MAP7: variants seen among roughly 807,000 people sequenced by gnomAD.
MAP7 encodes the protein microtubule associated protein 7.
MAP7 carries 52 observed loss-of-function variants against 94.8 expected under a neutral mutation model. That is an observed-to-expected ratio of 0.55 (90% confidence interval 0.44 to 0.69). The LOEUF (loss-of-function observed/expected upper bound fraction) is 0.69. Ranked by LOEUF, MAP7 falls within the 30% of genes least tolerant of loss-of-function variation. MAP7 has a pLI of 0.00. For synonymous variants in MAP7, 350 were observed against 357.0 expected (o/e 0.98, Z 0.22); for missense variants, 940 against 964.6 (o/e 0.97, Z 0.34).
At chr6:136,361,216 C>T (rs1456457231) in intron 11 of MAP7, 37 bp from the exon 12 acceptor site, 3 of 1,597,912 alleles carry the variant, frequency 1.9e-6, no homozygotes, top group Non-Finnish European at 2.5e-6. Context: ...ACCAAAGACA[C>T]CTGAGGAGAA....
rs1387709105 is a variant in MAP7 at position 136,362,617 on chromosome 6, C to A, written c.1359G>T (p.Met453Ile). 6.2e-7 allele frequency: 1 copy of A among 1,613,578 alleles called. No homozygotes were observed. Among genetic ancestry groups the A allele is most frequent in the East Asian group, 2.2e-5 (1 of 44,874 alleles). ...TCACAGTGGATGACGGGGCTGAGAC[C>A]ATGGCTGGGGTGGGGACCGGGGCTG... ...PAPAPVPTPA[M>I]VSAPSSTVNA... The change falls in exon 11 of 18, where the codon ATG (methionine) becomes ATT (isoleucine). Residue 453 changes from methionine (M) to isoleucine (I), a missense_variant. Met to Ile is a conservative substitution (Grantham distance 10). Transcript: ENST00000354570.
intron 1 of MAP7, among the ~76,000 whole-genome samples, chr6:136,529,295 T>G (rs1828282947): frequency 6.6e-6 from 1 of 152,022 alleles, no homozygotes; most frequent in South Asian, 2.1e-4. Context: ...TTTTTTTGCA[T>G]TTTTAGTAGA....
At chr6:136,536,748 T>C (rs1828919074) in intron 1 of MAP7, among the ~76,000 whole-genome samples, 1 of 152,206 alleles carries the variant, frequency 6.6e-6, no homozygotes. Flanking sequence ...CCGTGTTTAC[T>C]ACAAAAAGAG....
chr6:136,491,285 T>C (rs1408897695), intron 1 of MAP7, among the ~76,000 whole-genome samples: 1 of 152,226 alleles, frequency 6.6e-6, no homozygotes, highest in Non-Finnish European at 1.5e-5. Context: ...AATGGACAAG[T>C]AGGGCAATTT....
At chr6:136,472,396 C>A (rs1809334779) in intron 1 of MAP7, among the ~76,000 whole-genome samples, 1 of 152,180 alleles carries the variant, frequency 6.6e-6, no homozygotes, top group Non-Finnish European at 1.5e-5. Context: ...CCAATGTAAT[C>A]TTTCAGTTAT....
chr6:136,355,313 A>G (rs1325500363), intron 16 of MAP7, among the ~76,000 whole-genome samples: 1 of 151,886 alleles, frequency 6.6e-6, no homozygotes, highest in Non-Finnish European at 1.5e-5. Flanking sequence ...AATAAGTTTT[A>G]GGGAATGAAT....
chr6:136,366,058 T>C (rs772955124), intron 9 of MAP7, 40 bp from the exon 10 acceptor site: 2 of 1,582,842 alleles, frequency 1.3e-6, no homozygotes, highest in East Asian at 4.5e-5. Context: ...AGGGGACACA[T>C]GAGAACAGGC....
chr6:136,394,968 A>ATATATATATATATATC (rs1477760854), intron 3 of MAP7, among the ~76,000 whole-genome samples: 5 of 130,592 alleles, frequency 3.8e-5, no homozygotes, highest in African/African-American at 1.4e-4. Context: ...ATATATATAT[A>ATATATATATATATATC]TATCACATTT....
chr6:136,527,499 T>C (rs982581690), intron 1 of MAP7, among the ~76,000 whole-genome samples: 1 of 152,230 alleles, frequency 6.6e-6, no homozygotes, highest in Non-Finnish European at 1.5e-5. Context: ...ATATCCTCTC[T>C]AAATCTCTTG....
At chr6:136,430,385 A>G (rs1794555680) in intron 1 of MAP7, among the ~76,000 whole-genome samples, 1 of 152,218 alleles carries the variant, frequency 6.6e-6, no homozygotes, top group Non-Finnish European at 1.5e-5. Context: ...TTATCTAAGT[A>G]GAAAATGTAC....
chr6:136,440,452 C>G (rs1181436716), intron 1 of MAP7, among the ~76,000 whole-genome samples: 4 of 152,016 alleles, frequency 2.6e-5, no homozygotes, highest in Non-Finnish European at 5.9e-5. Context: ...GCATCATGAA[C>G]AAAAGCAGAA....
intron 1 of MAP7, among the ~76,000 whole-genome samples, chr6:136,516,660 T>A (rs1164387738): frequency 6.6e-6 from 1 of 152,218 alleles, no homozygotes; most frequent in Non-Finnish European, 1.5e-5. Context: ...GCTTTCTCCA[T>A]CGTAAGTGTT....
chr6:136,414,284 A>AAAAAAAAAAAAAAAAGG (rs1788615606), intron 2 of MAP7, among the ~76,000 whole-genome samples: 1 of 137,218 alleles, frequency 7.3e-6, no homozygotes, highest in African/African-American at 2.7e-5. Flanking sequence ...AAAAAAAAAA[A>AAAAAAAAAAAAAAAAGG]TTGGTTAAAT....
chr6:136,455,109 C>G (rs1267354599), intron 1 of MAP7, among the ~76,000 whole-genome samples: 1 of 151,532 alleles, frequency 6.6e-6, no homozygotes, highest in Non-Finnish European at 1.5e-5. Context: ...CAGACAGTCC[C>G]TCATCTTTCA....
At chr6:136,451,024 T>C (rs1236271607) in intron 1 of MAP7, among the ~76,000 whole-genome samples, 2 of 152,154 alleles carry the variant, frequency 1.3e-5, no homozygotes, top group African/African-American at 2.4e-5. Flanking sequence ...TACCCTTTTG[T>C]AAGAGAAATT....
chr6:136,389,542 A>T, intron 3 of MAP7, 25 bp from the exon 4 acceptor site: 1 of 1,604,314 alleles, frequency 6.2e-7, no homozygotes, highest in Non-Finnish European at 8.5e-7. Flanking sequence ...AAAAAAAAAA[A>T]AAAAGAGGGA....
rs371568322 is a variant in MAP7 at position 136,499,019 on chromosome 6, G to A, written c.67+51323C>T. 4.7e-4 allele frequency among the ~76,000 whole-genome samples: 72 copies of A among 152,050 alleles called. 1 individual carries two copies. Among genetic ancestry groups the A allele is most frequent in the African/African-American group, 1.5e-3 (62 of 41,404 alleles). On this transcript the variant is annotated intron_variant, in intron 1 of 17. Transcript: ENST00000354570. The stretch of plus-strand genomic sequence containing the variant: ...TGCCTTCCAGGTTCAAGAGATTCTC[G>A]TGCCTCTGCCCCCCAGGTAACCCCC...
At chr6:136,534,549 G>A (rs1828728202) in intron 1 of MAP7, among the ~76,000 whole-genome samples, 1 of 152,184 alleles carries the variant, frequency 6.6e-6, no homozygotes, top group Admixed American at 6.5e-5. Context: ...AAGTCAACAT[G>A]CTGCGAACGA....
intron 1 of MAP7, among the ~76,000 whole-genome samples, chr6:136,485,228 A>G (rs1159554218): frequency 6.6e-6 from 1 of 152,172 alleles, no homozygotes; most frequent in East Asian, 1.9e-4. Flanking sequence ...AGGTCTCTAA[A>G]CTTACTTGAC....
Sources: allele counts gnomAD v4.1 joint callset (sites outside exome capture counted in the v4.1 genomes callset), GRCh38; gene constraint gnomAD v4.1.1; transcripts MANE v1.5; gene names NCBI Gene and HGNC (gene_info 2026-07-23, HGNC 2026-07-21).